ANK1: variants seen among roughly 807,000 people sequenced by gnomAD.
ANK1 encodes the protein ankyrin 1.
A neutral mutation model predicts 210.4 loss-of-function variants in ANK1; 51 were observed. The observed-to-expected ratio is 0.24, with a 90% CI of 0.19 to 0.31. The LOEUF (loss-of-function observed/expected upper bound fraction) is 0.31, where lower values mean the gene tolerates loss of function less well. Among genes scored for constraint, ANK1 ranks in the 10% least tolerant of loss-of-function variants. ANK1 has a pLI of 1.00. For missense variants in ANK1, 2,051 were observed against 2,504.4 expected, an observed-to-expected ratio of 0.82 and a Z score of 3.86; for synonymous variants, 967 against 1,025.9, an observed-to-expected ratio of 0.94 and a Z score of 1.10.
intron 16 of ANK1, among the ~76,000 whole-genome samples, chr8:41,709,852 T>C (rs540646896): frequency 2.0e-4 from 31 of 152,176 alleles, no homozygotes; most frequent in Non-Finnish European, 2.2e-4. Context: ...TGGCTTGAGC[T>C]AAGGAGTTGG....
At chr8:41,786,723 A>G (rs1005271413) in intron 1 of ANK1, among the ~76,000 whole-genome samples, 10 of 152,196 alleles carry the variant, frequency 6.6e-5, no homozygotes, top group African/African-American at 1.9e-4. Flanking sequence ...AGATGCAGGC[A>G]TGAGGACACT....
chr8:41,757,612 G>A (rs533678080), intron 2 of ANK1, among the ~76,000 whole-genome samples: 49 of 152,306 alleles, frequency 3.2e-4, no homozygotes, highest in African/African-American at 1.1e-3. Flanking sequence ...TAACACAAGC[G>A]GGGCCTCGTT....
rs534422468 is a variant in ANK1, at chr8:41,831,387, C to T, written c.126+64968G>A. 2.0e-5 allele frequency among the ~76,000 whole-genome samples: 3 copies of T among 152,290 alleles called. No individual in the cohort carries two copies. In the East Asian group the frequency reaches 5.8e-4, roughly 29 times the overall value. Reference sequence around the variant, plus strand: ...TGTTTGCCGGGCATGGTGGCTCATGCATGTAATCCCAGCACTTTGGGAGGC... The same window carrying T: ...TGTTTGCCGGGCATGGTGGCTCATGTATGTAATCCCAGCACTTTGGGAGGC... On this transcript the variant is annotated intron_variant, in intron 1 of 42. Transcript: ENST00000265709.
chr8:41,692,983 C>G, intron 30 of ANK1, 107 bp from the exon 31 acceptor site: 1 of 1,517,270 alleles, frequency 6.6e-7, no homozygotes, highest in African/African-American at 1.4e-5. Flanking sequence ...ATTGCCACAC[C>G]TGTGGTCACG....
At chr8:41,680,393 G>A (rs746818945) in intron 37 of ANK1, among the ~76,000 whole-genome samples, 8 of 151,994 alleles carry the variant, frequency 5.3e-5, no homozygotes, top group South Asian at 2.1e-4. Flanking sequence ...TGAGATCCCC[G>A]TCTCTACTAA....
chr8:41,712,996 G>C (rs901586184), intron 16 of ANK1, among the ~76,000 whole-genome samples: 7 of 152,210 alleles, frequency 4.6e-5, no homozygotes, highest in African/African-American at 1.7e-4. Context: ...GCTGTCGGGA[G>C]CCGGCGTCTG....
chr8:41,796,943 C>G (rs1410267323), intron 1 of ANK1, among the ~76,000 whole-genome samples: 1 of 152,066 alleles, frequency 6.6e-6, no homozygotes, highest in Non-Finnish European at 1.5e-5. Context: ...GCCACGCCGC[C>G]GCTCTTTCCC....
rs970805482 is a variant in ANK1 at position 41,768,700 on chromosome 8, G to T, written c.28-10563C>A. Among the ~76,000 whole-genome samples, 3 of 151,984 alleles carry T rather than the reference G, an allele frequency of 2.0e-5. 1 individual carries two copies. The highest frequency in any genetic ancestry group is 4.4e-5 in the Non-Finnish European group (3 of 68,028). ...GATAATGTGGGGGATGATCTTGAAG[G>T]ATCATAATCCCAGCATTTTGGGAGG... On this transcript the variant is annotated intron_variant, in intron 1 of 42. Transcript: ENST00000289734.
At chr8:41,814,726 A>G (rs1563832047) in intron 1 of ANK1, among the ~76,000 whole-genome samples, 1 of 150,392 alleles carries the variant, frequency 6.6e-6, no homozygotes, top group African/African-American at 2.4e-5. Context: ...TTAGATTCTT[A>G]TTTTTTTTTA....
At chr8:41,821,393 C>T (rs763095672) in intron 1 of ANK1, among the ~76,000 whole-genome samples, 32 of 152,010 alleles carry the variant, frequency 2.1e-4, no homozygotes, top group Non-Finnish European at 3.5e-4. Flanking sequence ...TATCTGTGTA[C>T]GTGGTCATCT....
chr8:41,731,574 TTTC>T (rs1198889031), intron 3 of ANK1, among the ~76,000 whole-genome samples: 3 of 150,646 alleles, frequency 2.0e-5, no homozygotes, highest in Non-Finnish European at 4.4e-5. Flanking sequence ...TTTTACTCTT[TTTC>T]TTCTTTTTTT....
chr8:41,732,886 C>G (rs1483165974), intron 3 of ANK1, among the ~76,000 whole-genome samples: 1 of 151,388 alleles, frequency 6.6e-6, no homozygotes, highest in Non-Finnish European at 1.5e-5. Flanking sequence ...TACAGGCGCC[C>G]GCCACCACGC....
At chr8:41,726,594 C>A (rs1314541076) in intron 5 of ANK1, among the ~76,000 whole-genome samples, 2 of 152,082 alleles carry the variant, frequency 1.3e-5, no homozygotes, top group Non-Finnish European at 2.9e-5. Flanking sequence ...GCTGTGTTGC[C>A]CAGGCTGGTC....
chr8:41,701,493 G>C, intron 22 of ANK1, 57 bp downstream of exon 22: 1 of 1,555,056 alleles, frequency 6.4e-7, no homozygotes, highest in Non-Finnish European at 8.9e-7. Context: ...AGCCCCCTTG[G>C]AGGGTGCCCG....
At position 41,884,882 on chromosome 8, in the gene ANK1, C is replaced by T. The variant is rs144637244; in HGVS notation, c.126+11473G>A. Among the ~76,000 whole-genome samples, 13 of 152,008 alleles carry T rather than the reference C, an allele frequency of 8.6e-5. No individual in the cohort carries two copies. In the East Asian group the frequency reaches 1.7e-3, roughly 20 times the overall value. On this transcript the variant is annotated intron_variant, in intron 1 of 42. Transcript: ENST00000265709. ...GATGAGGGGGAATCAGACTGAGTTC[C>T]GGAGAGGGAGCACCCTGCGCAAGGT...
chr8:41,720,044 C>G (rs1304198571), intron 9 of ANK1, among the ~76,000 whole-genome samples, 186 bp from the exon 10 acceptor site: 1 of 152,192 alleles, frequency 6.6e-6, no homozygotes, highest in Middle Eastern at 3.2e-3. Context: ...ATTCTCCTTT[C>G]CACCTGGCCA....
At chr8:41,804,052 G>T (rs1850570130) in intron 1 of ANK1, among the ~76,000 whole-genome samples, 1 of 152,180 alleles carries the variant, frequency 6.6e-6, no homozygotes. Context: ...GTATTTCAGA[G>T]TTTCTGTGGG....
At chr8:41,825,840 A>G (rs946148395) in intron 1 of ANK1, among the ~76,000 whole-genome samples, 4 of 151,994 alleles carry the variant, frequency 2.6e-5, no homozygotes, top group African/African-American at 9.7e-5. Context: ...TCCCCTGCAC[A>G]TGTTCTCTTG....
intron 1 of ANK1, among the ~76,000 whole-genome samples, chr8:41,867,206 T>C (rs16890901): frequency 0.045 from 6,785 of 152,070 alleles, 325 homozygotes; most frequent in East Asian, 0.23. Context: ...GAAGGATGAG[T>C]GTCAGTCCAG....
Sources: allele counts gnomAD v4.1 joint callset (sites outside exome capture counted in the v4.1 genomes callset), GRCh38; gene constraint gnomAD v4.1.1; transcripts MANE v1.5; gene names NCBI Gene and HGNC (gene_info 2026-07-23, HGNC 2026-07-21).